NCAPH2: variants seen among roughly 807,000 people sequenced by gnomAD.
NCAPH2 encodes condensin-2 complex subunit H2.
NCAPH2 carries 56 observed loss-of-function variants against 88.6 expected under a neutral mutation model. The observed-to-expected ratio is 0.63, with a 90% CI of 0.51 to 0.79. NCAPH2 has a LOEUF of 0.79. Ranked by LOEUF, NCAPH2 falls within the 30% of genes least tolerant of loss-of-function variation. NCAPH2 has a pLI of 0.00. For synonymous variants in NCAPH2, 378 were observed against 313.6 expected (o/e 1.21, Z -2.17); for missense variants, 794 against 792.0 (o/e 1.00, Z -0.03).
At chr22:50,517,189 G>A (rs570897972) in intron 2 of NCAPH2, among the ~76,000 whole-genome samples, 14 of 152,246 alleles carry the variant, frequency 9.2e-5, no homozygotes, top group Admixed American at 2.0e-4. Flanking sequence ...CCACGCTCGC[G>A]GCTGCGTGGA....
At chr22:50,512,028 C>T (rs568225246) in intron 1 of NCAPH2, among the ~76,000 whole-genome samples, 19 of 152,268 alleles carry the variant, frequency 1.2e-4, no homozygotes, top group African/African-American at 3.4e-4. Context: ...CCTCGTGATC[C>T]GCCCACCTCA....
chr22:50,521,173 GA>G (rs1268970995), intron 10 of NCAPH2, 137 bp downstream of exon 10: 3 of 984,152 alleles, frequency 3.0e-6, no homozygotes, highest in Non-Finnish European at 4.5e-6. Context: ...CTCTCTTAAA[GA>G]CCCCCTCATG....
chr22:50,519,150 G>GCA, intron 8 of NCAPH2, 40 bp from the exon 9 acceptor site: 1 of 1,531,486 alleles, frequency 6.5e-7, no homozygotes. Flanking sequence ...TCTGGTCTCG[G>GCA]CACTCCTTGG....
chr22:50,514,886 C>T (rs1452427569), intron 1 of NCAPH2, among the ~76,000 whole-genome samples: 1 of 152,254 alleles, frequency 6.6e-6, no homozygotes, highest in African/African-American at 2.4e-5. Context: ...CTCTCCCCAG[C>T]ACGCGCCATG....
intron 7 of NCAPH2, 100 bp from the exon 8 acceptor site, chr22:50,518,549 T>C (rs2068993789): frequency 1.6e-6 from 2 of 1,259,814 alleles, no homozygotes; most frequent in African/African-American, 1.5e-5. Context: ...TGCTGGTCTC[T>C]GCCCTCCTGC....
In NCAPH2 at chr22:50,523,649, G is replaced by T. The variant is rs112793292; in HGVS notation, c.*274G>T. The T allele has an allele frequency of 8.7e-3, 14,019 of 1,613,860 alleles. 75 individuals are homozygous for T. The highest frequency in any genetic ancestry group is 0.011 in the Non-Finnish European group (12,739 of 1,180,022). On this transcript the variant is annotated 3_prime_UTR_variant, in exon 20 of 20. Coordinates refer to ENST00000420993, the MANE Select transcript of NCAPH2 (RefSeq NM_152299.4). The stretch of plus-strand genomic sequence containing the variant: ...CTGCGGAAAGCCGCCATGTGCCGCC[G>T]CACACTGTCTGAGATCTGCTCAGCC...
chr22:50,524,227 A>G lies in NCAPH2; in HGVS notation c.*852A>G. ...TCCAGCCCCGAACAGGCCTGTGATCAGCAGCCGGGTTCGAAGCCCAGGGCC... is the reference window on the plus strand; with the variant it reads ...TCCAGCCCCGAACAGGCCTGTGATCGGCAGCCGGGTTCGAAGCCCAGGGCC... On this transcript the variant is annotated 3_prime_UTR_variant, in exon 20 of 20. Coordinates refer to ENST00000420993, the MANE Select transcript of NCAPH2 (RefSeq NM_152299.4). The G allele has an allele frequency of 3.1e-6, 5 of 1,607,734 alleles. No individual in the cohort carries two copies. The highest frequency in any genetic ancestry group is 4.2e-6 in the Non-Finnish European group (5 of 1,179,870).
chr22:50,518,832 GC>G, intron 8 of NCAPH2, 100 bp downstream of exon 8: 1 of 1,195,910 alleles, frequency 8.4e-7, no homozygotes, highest in Non-Finnish European at 1.2e-6. Context: ...GCTCTCAGCT[GC>G]CAGCCTCATG....
rs775438052 is a variant in NCAPH2 at position 50,522,433 on chromosome 22, G to A, written c.1306+18G>A. Reference sequence around the variant, plus strand: ...GGCAGCAGGTGGGTGCCTGCCAGGGGGTGGGGTGGGGCTTGGCACCTGCCG... The same window carrying A: ...GGCAGCAGGTGGGTGCCTGCCAGGGAGTGGGGTGGGGCTTGGCACCTGCCG... On this transcript the variant is annotated intron_variant, in intron 15 of 19. Transcript: ENST00000420993. The A allele has an allele frequency of 9.9e-6, 16 of 1,612,342 alleles. No individual in the cohort carries two copies. The highest frequency in any genetic ancestry group is 1.4e-5 in the Non-Finnish European group (16 of 1,179,380).
In NCAPH2 at chr22:50,523,095, C is replaced by A. The variant is rs1263573101; in HGVS notation, c.1606C>A (p.Pro536Thr). Residue 536 changes from proline to threonine, a missense_variant, in exon 19 of 20, where the codon CCC (proline) becomes ACC (threonine). Physicochemically the swap from Pro to Thr is conservative, Grantham distance 38. This residue lies in a region of NCAPH2 where 735 missense variants were observed against 696.3 expected (regional missense o/e 1.06). Transcript: ENST00000420993. ...SRFPQLNEWC[P>T]FAELVAGQPA... is the part of the protein sequence containing the mutation. The stretch of plus-strand genomic sequence containing the variant: ...GTTCCCCCAGCTCAATGAGTGGTGT[C>A]CCTTTGCGGAGCTGGTGGCTGGCCA... 6.2e-7 allele frequency: 1 copy of A among 1,613,328 alleles called. No homozygotes were observed. The highest frequency in any genetic ancestry group is 8.5e-7 in the Non-Finnish European group (1 of 1,179,662).
intron 8 of NCAPH2, 135 bp from the exon 9 acceptor site, chr22:50,519,055 G>A: frequency 1.2e-6 from 1 of 812,326 alleles, no homozygotes; most frequent in Non-Finnish European, 1.9e-6. Flanking sequence ...GCACGACGAG[G>A]ATGGTGCAAG....
chr22:50,522,528 T>G lies in NCAPH2; in HGVS notation c.1334T>G (p.Met445Arg). ...ADDFLEPEEYMEPEGADPREA... is the reference protein window; with the variant it reads ...ADDFLEPEEYREPEGADPREA... Reference sequence around the variant, plus strand: ...GACTTTCTAGAGCCTGAGGAGTACATGGAGCCCGAGGGAGCAGACCCCAGG... The same window carrying G: ...GACTTTCTAGAGCCTGAGGAGTACAGGGAGCCCGAGGGAGCAGACCCCAGG... The change falls in exon 16 of 20, where the codon ATG becomes AGG. Residue 445 changes from methionine (M) to arginine (R), a missense_variant. Around this residue, in one of 2 missense-constraint regions of NCAPH2, gnomAD observed 735 missense variants for 696.3 expected, o/e 1.06. Transcript: ENST00000420993. 10 of 1,613,488 alleles carry G rather than the reference T, an allele frequency of 6.2e-6. No homozygotes were observed. The highest frequency in any genetic ancestry group is 8.5e-6 in the Non-Finnish European group (10 of 1,179,898).
intron 1 of NCAPH2, among the ~76,000 whole-genome samples, chr22:50,510,807 C>T (rs577135428): frequency 1.6e-4 from 25 of 152,078 alleles, no homozygotes; most frequent in African/African-American, 5.1e-4. Flanking sequence ...CTCTCCATCT[C>T]AGCACCTTAC....
chr22:50,522,065 C>A, intron 13 of NCAPH2, 26 bp downstream of exon 13: 1 of 1,613,856 alleles, frequency 6.2e-7, no homozygotes, highest in Non-Finnish European at 8.5e-7. Flanking sequence ...TCGGGGAAGA[C>A]AGTTTTACTC....
chr22:50,523,009 C>A lies in NCAPH2; in HGVS notation c.1528-8C>A. 6.2e-7 allele frequency: 1 copy of A among 1,604,512 alleles called. No individual in the cohort carries two copies. The highest frequency in any genetic ancestry group is 8.5e-7 in the Non-Finnish European group (1 of 1,174,178). The stretch of plus-strand genomic sequence containing the variant: ...TCTCCGCAGCCAACATGCCCCTCCC[C>A]TGTGCAGGAGCAGCATGTGCCCTTT... On this transcript the variant is annotated splice_region_variant and splice_polypyrimidine_tract_variant and intron_variant, in intron 18 of 19. Coordinates refer to ENST00000420993, the MANE Select transcript of NCAPH2 (RefSeq NM_152299.4).
intron 1 of NCAPH2, among the ~76,000 whole-genome samples, chr22:50,510,514 G>A (rs1392171637): frequency 3.3e-5 from 5 of 151,696 alleles, no homozygotes; most frequent in Admixed American, 2.6e-4. Flanking sequence ...TGCAACCTCC[G>A]ACTCCCAGGT....
intron 5 of NCAPH2, 65 bp from the exon 6 acceptor site, chr22:50,517,908 T>C: frequency 6.2e-7 from 1 of 1,602,876 alleles, no homozygotes; most frequent in South Asian, 1.1e-5. Context: ...CATTGCCCCA[T>C]GTGGGTCCTG....
rs958635906 is a variant in NCAPH2 at position 50,519,779 on chromosome 22, C to T, written c.861+459C>T. ...GCATACAGAGGAAATGTTAACGTTTCTTCACTCTAGTTGGTAGATGGCATG... is the reference window on the plus strand; with the variant it reads ...GCATACAGAGGAAATGTTAACGTTTTTTCACTCTAGTTGGTAGATGGCATG... On this transcript the variant is annotated intron_variant, in intron 9 of 19. Transcript: ENST00000420993. The T allele has an allele frequency of 2.1e-5, 21 of 983,102 alleles. No individual in the cohort carries two copies. The African/African-American group carries it at 2.6e-4, about 12-fold the overall frequency. The allele number at this position is 983,102 out of a possible 1,614,324, so 60.9% of individuals were successfully genotyped here. A position where few individuals can be genotyped will look rare whatever the true frequency, so the allele number is the denominator to read the frequency against.
In NCAPH2 at chr22:50,518,081, G is replaced by A. The variant is rs199751430; in HGVS notation, c.500+29G>A. ...GGGATCTGAGCCCAGCGACGGGGAG[G>A]GAGGCCTGCCTGGGAAGGGTCTCTA... On this transcript the variant is annotated intron_variant, in intron 6 of 19. Coordinates refer to ENST00000420993, the MANE Select transcript of NCAPH2 (RefSeq NM_152299.4). 148 of 1,613,582 alleles carry A rather than the reference G, an allele frequency of 9.2e-5. No homozygotes were observed. In the African/African-American group the frequency reaches 1.9e-3, roughly 21 times the overall value.
Sources: allele counts gnomAD v4.1 joint callset (sites outside exome capture counted in the v4.1 genomes callset), GRCh38; gene constraint gnomAD v4.1.1; regional missense constraint gnomAD v4.1.1; transcripts MANE v1.5; gene names NCBI Gene and HGNC (gene_info 2026-07-23, HGNC 2026-07-21).